Variants in TTC27 observed in about 807,000 individuals in gnomAD.
TTC27 encodes tetratricopeptide repeat domain 27.
In TTC27, 79 loss-of-function variants were observed where a neutral mutation model predicts 115.9. The ratio of observed to expected loss-of-function variants is 0.68; its 90% CI spans 0.57 to 0.82. The LOEUF (loss-of-function observed/expected upper bound fraction) is 0.82. TTC27 is among the 40% of genes least tolerant of loss of function. TTC27 has a pLI of 0.00. For synonymous variants in TTC27, 401 were observed against 356.0 expected (o/e 1.13, Z -1.42); for missense variants, 1,054 against 993.1 (o/e 1.06, Z -0.82).
At chr2:32,767,392 A>T (rs1048874954) in intron 13 of TTC27, among the ~76,000 whole-genome samples, 24 of 152,058 alleles carry the variant, frequency 1.6e-4, no homozygotes, top group African/African-American at 5.3e-4. Context: ...ATATTTGTTG[A>T]AGAAAAGTAC....
intron 12 of TTC27, among the ~76,000 whole-genome samples, chr2:32,752,145 C>G (rs146364816): frequency 6.6e-6 from 1 of 152,156 alleles, no homozygotes; most frequent in Non-Finnish European, 1.5e-5. Flanking sequence ...TAACCACCCC[C>G]GTTAAAATCA....
At chr2:32,780,763 AT>A (rs1156849502) in intron 14 of TTC27, among the ~76,000 whole-genome samples, 1 of 151,808 alleles carries the variant, frequency 6.6e-6, no homozygotes, top group Non-Finnish European at 1.5e-5. Flanking sequence ...TGGATTGTCT[AT>A]TGTTAGCATA....
chr2:32,817,407 T>A (rs778660858), intron 18 of TTC27, 50 bp from the exon 19 acceptor site: 5 of 1,483,620 alleles, frequency 3.4e-6, no homozygotes, highest in Non-Finnish European at 4.7e-6. Flanking sequence ...TACCTGTGAA[T>A]TATTATTAAC....
At chr2:32,697,429 C>T (rs1056596973) in intron 9 of TTC27, among the ~76,000 whole-genome samples, 6 of 152,148 alleles carry the variant, frequency 3.9e-5, no homozygotes. Flanking sequence ...GGCATCTGAG[C>T]AGTTTAGCTG....
chr2:32,670,129 C>T (rs1290115628), intron 7 of TTC27, among the ~76,000 whole-genome samples: 5 of 151,844 alleles, frequency 3.3e-5, no homozygotes, highest in Admixed American at 2.6e-4. Flanking sequence ...CCGCCCGCCT[C>T]AGCCTCTCAA....
At chr2:32,652,062 C>T (rs1665144875) in intron 5 of TTC27, among the ~76,000 whole-genome samples, 2 of 152,064 alleles carry the variant, frequency 1.3e-5, no homozygotes, top group Non-Finnish European at 2.9e-5. Context: ...TCCTTGTATG[C>T]TTATGTATCT....
intron 10 of TTC27, among the ~76,000 whole-genome samples, chr2:32,708,592 G>A (rs913987218): frequency 1.3e-5 from 2 of 152,010 alleles, no homozygotes; most frequent in Non-Finnish European, 2.9e-5. Context: ...ACAGGTGTGA[G>A]CCACTGCGCC....
chr2:32,811,244 G>C, intron 17 of TTC27, 23 bp downstream of exon 17: 2 of 1,604,074 alleles, frequency 1.2e-6, no homozygotes, highest in Non-Finnish European at 1.7e-6. Context: ...TTCCTCCTGA[G>C]TCCTTGCCTT....
intron 12 of TTC27, among the ~76,000 whole-genome samples, chr2:32,747,347 T>C (rs1668865587): frequency 6.6e-6 from 1 of 152,204 alleles, no homozygotes; most frequent in African/African-American, 2.4e-5. Flanking sequence ...AAATCTAAAA[T>C]GCATTTAATA....
intron 9 of TTC27, among the ~76,000 whole-genome samples, chr2:32,691,191 T>C (rs1335761743): frequency 6.6e-6 from 1 of 152,250 alleles, no homozygotes; most frequent in African/African-American, 2.4e-5. Context: ...AGAATTTTCT[T>C]TGCTACTTTT....
chr2:32,788,397 G>A (rs1270992426), intron 16 of TTC27, among the ~76,000 whole-genome samples: 3 of 106,692 alleles, frequency 2.8e-5, no homozygotes, highest in Admixed American at 9.6e-5. Flanking sequence ...AGTCAGAAAG[G>A]AGTGTGAAGC....
intron 10 of TTC27, among the ~76,000 whole-genome samples, chr2:32,712,871 A>G (rs369254661): frequency 1.3e-5 from 2 of 152,308 alleles, no homozygotes; most frequent in East Asian, 1.9e-4. Context: ...TCAACATTTT[A>G]TCAGAAGATC....
chr2:32,724,155 G>C (rs765158670), intron 10 of TTC27, among the ~76,000 whole-genome samples: 1 of 151,970 alleles, frequency 6.6e-6, no homozygotes, highest in African/African-American at 2.4e-5. Context: ...CCCTGGAGAA[G>C]TTTTGGGAGA....
intron 10 of TTC27, among the ~76,000 whole-genome samples, chr2:32,731,225 A>G (rs1406876367): frequency 6.6e-6 from 1 of 151,920 alleles, no homozygotes; most frequent in East Asian, 2.0e-4. Flanking sequence ...CTCAGCTGGG[A>G]TTACAGGCAT....
At position 32,660,983 on chromosome 2, in the gene TTC27, A is replaced by G. The variant is rs1035148186; in HGVS notation, c.641-3320A>G. Among the ~76,000 whole-genome samples, 5 of 151,886 alleles carry G rather than the reference A, an allele frequency of 3.3e-5. No individual in the cohort carries two copies. In the East Asian group the frequency reaches 5.8e-4, roughly 18 times the overall value. ...AAGGGGTCCAGTTTCAGTTTTCTGC[A>G]TATGGCTAGCCAGTTTTCCCAACAC... On this transcript the variant is annotated intron_variant, in intron 5 of 19. Coordinates refer to ENST00000317907, the MANE Select transcript of TTC27 (RefSeq NM_017735.5).
intron 10 of TTC27, among the ~76,000 whole-genome samples, chr2:32,715,988 G>C (rs1667742315): frequency 8.6e-6 from 1 of 116,696 alleles, no homozygotes; most frequent in Non-Finnish European, 1.8e-5. Context: ...TTAATTATAT[G>C]AATGATACTG....
intron 12 of TTC27, among the ~76,000 whole-genome samples, chr2:32,740,143 T>C (rs1668580583): frequency 6.6e-6 from 1 of 152,214 alleles, no homozygotes; most frequent in Admixed American, 6.5e-5. Context: ...CCGACCCACT[T>C]ACAGCAATTT....
chr2:32,784,886 G>A (rs938867458), intron 15 of TTC27, among the ~76,000 whole-genome samples: 21 of 152,144 alleles, frequency 1.4e-4, no homozygotes, highest in African/African-American at 4.3e-4. Context: ...AGGTGGTGAT[G>A]TGGTAGAGTA....
intron 12 of TTC27, 43 bp from the exon 13 acceptor site, chr2:32,758,249 G>T: frequency 1.3e-6 from 2 of 1,552,280 alleles, no homozygotes; most frequent in Non-Finnish European, 8.8e-7. Flanking sequence ...AAAAATAGCA[G>T]TTAATCACTC....
Sources: allele counts gnomAD v4.1 joint callset (sites outside exome capture counted in the v4.1 genomes callset), GRCh38; gene constraint gnomAD v4.1.1; transcripts MANE v1.5; gene names NCBI Gene and HGNC (gene_info 2026-07-23, HGNC 2026-07-21).